The following FRMPD3 variants were observed in gnomAD, a reference collection of about 807,000 sequenced individuals.
FRMPD3 encodes the protein FERM and PDZ domain-containing protein 3.
FRMPD3 carries 42 observed loss-of-function variants against 97.9 expected under a neutral mutation model. The ratio of observed to expected loss-of-function variants is 0.43; its 90% CI spans 0.34 to 0.55. The LOEUF is 0.55. FRMPD3 is among the 20% of genes least tolerant of loss of function. FRMPD3 has a pLI of 0.03. For synonymous variants in FRMPD3, 577 were observed against 581.1 expected (o/e 0.99, Z 0.10); for missense variants, 1,303 against 1,457.7 (o/e 0.89, Z 1.73).
chrX:107,495,254 T>G (rs1921746371), intron 1 of FRMPD3, among the ~76,000 whole-genome samples: 1 of 111,443 alleles, frequency 9.0e-6, no homozygotes, highest in South Asian at 3.9e-4. Flanking sequence ...AGCTCTTTGC[T>G]CAGTCATCAC....
At chrX:107,561,689 A>G (rs756735997) in intron 10 of FRMPD3, among the ~76,000 whole-genome samples, 3 of 112,569 alleles carry the variant, frequency 2.7e-5, no homozygotes, top group Admixed American at 1.9e-4. Flanking sequence ...ATGGGACGCA[A>G]TCGCCCCATA....
chrX:107,525,787 C>T (rs1602773987), intron 1 of FRMPD3: 3 of 459,908 alleles, frequency 6.5e-6, no homozygotes. Context: ...AAAATTGCAT[C>T]AAGATGAGCC....
chrX:107,461,647 G>A (rs138936994), intron 1 of FRMPD3, among the ~76,000 whole-genome samples: 1,282 of 110,625 alleles, frequency 0.012, 4 homozygotes, highest in Non-Finnish European at 0.019. Context: ...ATCTTTCATC[G>A]TGTCAGTCCC....
intron 1 of FRMPD3, among the ~76,000 whole-genome samples, chrX:107,507,097 C>G (rs1050613676): frequency 1.8e-5 from 2 of 109,869 alleles, no homozygotes; most frequent in African/African-American, 6.6e-5. Context: ...GGCAGTCGAG[C>G]GCTAGGGTCC....
At chrX:107,574,951 G>A (rs1923046435) in intron 12 of FRMPD3, among the ~76,000 whole-genome samples, 1 of 112,592 alleles carries the variant, frequency 8.9e-6, no homozygotes, top group Admixed American at 9.4e-5. Context: ...ATTCCAAGGA[G>A]AATGTTCCCA....
chrX:107,560,335 A>G lies in FRMPD3; in HGVS notation c.841A>G (p.Ile281Val). The G allele has an allele frequency of 8.3e-7, 1 of 1,209,484 alleles. No individual in the cohort carries two copies. The highest frequency in any genetic ancestry group is 3.0e-5 in the East Asian group (1 of 33,814). ...GCTTTTGGGCCTTGCTGCGCTCCAC[A>G]TCTATATCACTGTCTCAGCCACTCG... Reference protein sequence around the residue: ...EMLLGLAALHIYITVSATRPS... With the variant: ...EMLLGLAALHVYITVSATRPS... Residue 281 changes from isoleucine to valine, a missense_variant, in exon 9 of 15, where the codon ATC becomes GTC. Transcript: ENST00000683843.
At chrX:107,462,092 G>A (rs1051693682) in intron 1 of FRMPD3, among the ~76,000 whole-genome samples, 3 of 110,474 alleles carry the variant, frequency 2.7e-5, no homozygotes, top group African/African-American at 3.3e-5. Context: ...GGCTGCCCCC[G>A]TTTTTAAAAT....
At chrX:107,570,882 C>A (rs1185100594) in intron 12 of FRMPD3, among the ~76,000 whole-genome samples, 4 of 111,836 alleles carry the variant, frequency 3.6e-5, no homozygotes, top group Non-Finnish European at 7.5e-5. Context: ...GTAGCTGAAG[C>A]ATGTCAAATT....
chrX:107,575,106 T>C (rs906486634), intron 12 of FRMPD3, among the ~76,000 whole-genome samples: 14 of 112,491 alleles, frequency 1.2e-4, no homozygotes, highest in Admixed American at 7.5e-4. Context: ...ACCCCAGGAC[T>C]AATCTGACTG....
chrX:107,579,042 T>TAA (rs1923259820), intron 13 of FRMPD3, among the ~76,000 whole-genome samples: 1 of 112,224 alleles, frequency 8.9e-6, no homozygotes, highest in South Asian at 3.7e-4. Context: ...CACCAGCCCT[T>TAA]ACTTTCATCC....
At chrX:107,541,646 C>G (rs1183922341) in intron 4 of FRMPD3, among the ~76,000 whole-genome samples, 1 of 112,229 alleles carries the variant, frequency 8.9e-6, no homozygotes, top group Non-Finnish European at 1.9e-5. Flanking sequence ...AATCTTGCAT[C>G]TTTGGTAGGG....
At chrX:107,460,976 G>GT (rs1450146856) in intron 1 of FRMPD3, among the ~76,000 whole-genome samples, 2 of 111,994 alleles carry the variant, frequency 1.8e-5, no homozygotes, top group African/African-American at 6.5e-5. Flanking sequence ...AAAAGAGGGG[G>GT]TTCTTTAAAC....
chrX:107,504,244 GGTGCTTTC>G (rs1921979826), intron 1 of FRMPD3, among the ~76,000 whole-genome samples: 1 of 112,823 alleles, frequency 8.9e-6, no homozygotes, highest in Non-Finnish European at 1.9e-5. Context: ...CTCAAGGCCG[GGTGCTTTC>G]TGTTGCTCCC....
rs1345135219 is a variant in FRMPD3, at chrX:107,568,731, C to A, written c.1296+3665C>A. On this transcript the variant is annotated intron_variant, in intron 12 of 14. Coordinates refer to ENST00000683843, the MANE Select transcript of FRMPD3 (RefSeq NM_001388459.1). ...CCTGGGGGACAAAGTGAGACTCCGT[C>A]TCAAAAAAATAGAAAAAAAATTAAA... Among the ~76,000 whole-genome samples, 17 of 108,984 alleles carry A rather than the reference C, an allele frequency of 1.6e-4. 1 individual carries two copies. In the Admixed American group the frequency reaches 1.7e-3, roughly 11 times the overall value. The allele number at this position is 108,984 out of a possible 115,157, so 94.6% of individuals were successfully genotyped here.
In FRMPD3 at chrX:107,539,150, C is replaced by T. The variant is rs192539038; in HGVS notation, c.297+5600C>T. ...CTGGAGATGAGGCCCTGGTATTGGT[C>T]TTTTGAAAAGGCTCACCAAATGATT... On this transcript the variant is annotated intron_variant, in intron 4 of 14. Transcript: ENST00000683843. Among the ~76,000 whole-genome samples, 502 of 112,195 alleles carry T rather than the reference C, an allele frequency of 4.5e-3. 2 individuals carry two copies. Among genetic ancestry groups the T allele is most frequent in the African/African-American group, 0.016 (481 of 30,903 alleles).
intron 4 of FRMPD3, among the ~76,000 whole-genome samples, chrX:107,536,949 A>G (rs1403242978): frequency 9.0e-6 from 1 of 111,345 alleles, no homozygotes; most frequent in Non-Finnish European, 1.9e-5. Context: ...CTAGCCAACA[A>G]AGCAACCTAA....
chrX:107,512,405 C>T (rs1023231377), intron 1 of FRMPD3, among the ~76,000 whole-genome samples: 6 of 111,954 alleles, frequency 5.4e-5, no homozygotes, highest in African/African-American at 1.3e-4. Context: ...CAAAAAGCCA[C>T]GACAATCAGA....
At chrX:107,450,766 AGTGT>A (rs1009991080) in intron 1 of FRMPD3, among the ~76,000 whole-genome samples, 1 of 110,175 alleles carries the variant, frequency 9.1e-6, no homozygotes, top group Non-Finnish European at 1.9e-5. Flanking sequence ...GAGGTTGGAG[AGTGT>A]GTGTGTGTAT....
intron 4 of FRMPD3, chrX:107,545,207 A>C (rs1160814749): frequency 8.9e-6 from 1 of 111,949 alleles, no homozygotes; most frequent in Non-Finnish European, 1.9e-5. Flanking sequence ...TCACATCTCT[A>C]TTCCCCAATA....
Sources: allele counts gnomAD v4.1 joint callset (sites outside exome capture counted in the v4.1 genomes callset), GRCh38; gene constraint gnomAD v4.1.1; transcripts MANE v1.5; gene names NCBI Gene and HGNC (gene_info 2026-07-23, HGNC 2026-07-21).